Variants in CDC42BPB observed in about 807,000 individuals in gnomAD.
The protein encoded by CDC42BPB is serine/threonine-protein kinase MRCK beta.
Under a neutral mutation model 214.9 loss-of-function variants are expected in CDC42BPB, and 37 were observed. The observed-to-expected ratio is 0.17, with a 90% CI of 0.13 to 0.23. The LOEUF (loss-of-function observed/expected upper bound fraction) is 0.23, where lower values mean the gene tolerates loss of function less well. Ranked by LOEUF, CDC42BPB falls within the 10% of genes least tolerant of loss-of-function variation. The pLI is 1.00. For missense variants in CDC42BPB, 1,694 were observed against 2,227.0 expected (o/e 0.76, Z 4.82); for synonymous variants, 931 against 884.0 (o/e 1.05, Z -0.94).
At chr14:102,987,086 CAA>C (rs1894278168) in intron 5 of CDC42BPB, among the ~76,000 whole-genome samples, 1 of 152,244 alleles carries the variant, frequency 6.6e-6, no homozygotes, top group African/African-American at 2.4e-5. Flanking sequence ...GGCTGCCACA[CAA>C]AGAGACGGCA....
chr14:103,029,371 C>G (rs1215352566), intron 1 of CDC42BPB, among the ~76,000 whole-genome samples: 1 of 151,674 alleles, frequency 6.6e-6, no homozygotes, highest in Non-Finnish European at 1.5e-5. Flanking sequence ...GAAACCCTGT[C>G]TCTACTAAAA....
intron 2 of CDC42BPB, among the ~76,000 whole-genome samples, chr14:103,011,720 G>C (rs533604835): frequency 1.3e-5 from 2 of 152,260 alleles, no homozygotes; most frequent in South Asian, 4.1e-4. Context: ...CTCCAGCCTG[G>C]GTGACAGTGC....
intron 1 of CDC42BPB, among the ~76,000 whole-genome samples, chr14:103,020,867 A>G (rs1313922679): frequency 6.6e-6 from 1 of 152,252 alleles, no homozygotes; most frequent in Non-Finnish European, 1.5e-5. Flanking sequence ...ATGTGTTCAA[A>G]TTACACAAAA....
intron 1 of CDC42BPB, among the ~76,000 whole-genome samples, chr14:103,045,821 G>A (rs1205164417): frequency 1.3e-5 from 2 of 152,184 alleles, no homozygotes; most frequent in South Asian, 2.1e-4. Flanking sequence ...ACACTGCCAC[G>A]AGCCTCAAGG....
intron 19 of CDC42BPB, among the ~76,000 whole-genome samples, chr14:102,964,240 C>T (rs1429723475): frequency 6.6e-6 from 1 of 152,228 alleles, no homozygotes; most frequent in Non-Finnish European, 1.5e-5. Flanking sequence ...CAAGCACCCG[C>T]TGCCGTCAAA....
intron 1 of CDC42BPB, among the ~76,000 whole-genome samples, chr14:103,039,059 C>G (rs1195124213): frequency 6.6e-6 from 1 of 151,942 alleles, no homozygotes; most frequent in Non-Finnish European, 1.5e-5. Flanking sequence ...AAGACACAAA[C>G]TACCAAAATT....
intron 5 of CDC42BPB, 102 bp downstream of exon 5, chr14:102,999,463 C>G (rs140942439): frequency 1.7e-5 from 20 of 1,181,834 alleles, no homozygotes; most frequent in Non-Finnish European, 2.2e-5. Context: ...TGGGGACTCG[C>G]TACCTACATG....
Position 102,983,216 on chromosome 14 carries a change from G to A in CDC42BPB, c.891+340C>T, listed in dbSNP as rs138503956. On this transcript the variant is annotated intron_variant, in intron 7 of 36. Coordinates refer to ENST00000361246, the MANE Select transcript of CDC42BPB (RefSeq NM_006035.4). ...TACCCCCGGGCGCCTCACTCCATGC[G>A]CCTGTGCAGACGACGCGTCTGTCTA... Among the ~76,000 whole-genome samples, 426 of 152,264 alleles carry A rather than the reference G, an allele frequency of 2.8e-3. 1 individual carries two copies. Among genetic ancestry groups the A allele is most frequent in the African/African-American group, 9.8e-3 (406 of 41,542 alleles).
At chr14:102,963,012 GA>G in intron 20 of CDC42BPB, 48 bp downstream of exon 20, 2 of 887,602 alleles carry the variant, frequency 2.3e-6, no homozygotes, top group Non-Finnish European at 3.6e-6. Context: ...ACATTCATTT[GA>G]AAAATACTTA....
intron 2 of CDC42BPB, among the ~76,000 whole-genome samples, chr14:103,011,768 C>T (rs146461242): frequency 1.6e-4 from 24 of 152,188 alleles, no homozygotes; most frequent in African/African-American, 5.5e-4. Context: ...AAAAAAACTA[C>T]ATCTGAAGAA....
intron 8 of CDC42BPB, among the ~76,000 whole-genome samples, chr14:102,979,783 A>G (rs770615854): frequency 1.3e-5 from 2 of 152,192 alleles, no homozygotes; most frequent in Non-Finnish European, 2.9e-5. Flanking sequence ...GATGAGAACA[A>G]AAGAATTTTA....
chr14:102,983,308 G>A (rs2139525502), intron 7 of CDC42BPB, among the ~76,000 whole-genome samples: 1 of 152,192 alleles, frequency 6.6e-6, no homozygotes, highest in South Asian at 2.1e-4. Context: ...TGAGAGTGGG[G>A]GTGGGGGTCA....
At chr14:102,966,451 A>C in intron 17 of CDC42BPB, 64 bp from the exon 18 acceptor site, 2 of 1,595,700 alleles carry the variant, frequency 1.3e-6, no homozygotes, top group Non-Finnish European at 1.7e-6. Flanking sequence ...CCAAACAAGA[A>C]GGGGACGTTC....
intron 30 of CDC42BPB, among the ~76,000 whole-genome samples, chr14:102,942,385 A>G (rs1037437354): frequency 6.6e-6 from 1 of 152,214 alleles, no homozygotes; most frequent in African/African-American, 2.4e-5. Context: ...TGGGGCAGAC[A>G]AAGGGGTTTA....
At chr14:102,973,255 G>A (rs779878795) in intron 12 of CDC42BPB, among the ~76,000 whole-genome samples, 2 of 152,212 alleles carry the variant, frequency 1.3e-5, no homozygotes, top group East Asian at 1.9e-4. Flanking sequence ...AATCACTCAC[G>A]TGGATGACCC....
chr14:103,007,469 G>A (rs908714099), intron 3 of CDC42BPB, among the ~76,000 whole-genome samples: 2 of 152,188 alleles, frequency 1.3e-5, no homozygotes, highest in African/African-American at 4.8e-5. Flanking sequence ...GACCAAAGAG[G>A]AAAGCGTCAC....
At chr14:103,046,006 C>G (rs908881130) in intron 1 of CDC42BPB, among the ~76,000 whole-genome samples, 1 of 152,176 alleles carries the variant, frequency 6.6e-6, no homozygotes, top group African/African-American at 2.4e-5. Context: ...TGGTATCTAA[C>G]TCAGCAAAGC....
intron 30 of CDC42BPB, among the ~76,000 whole-genome samples, chr14:102,942,348 A>G (rs934562211): frequency 6.6e-6 from 1 of 152,226 alleles, no homozygotes; most frequent in Non-Finnish European, 1.5e-5. Flanking sequence ...CGCCCTGGGT[A>G]TGATGCCGTC....
intron 13 of CDC42BPB, 194 bp from the exon 14 acceptor site, chr14:102,970,455 T>C: frequency 2.5e-6 from 2 of 800,154 alleles, no homozygotes; most frequent in Non-Finnish European, 3.0e-6. Context: ...TGGTTACTAA[T>C]AAAACAAGGT....
Sources: gnomAD v4.1 joint callset for allele counts (sites outside exome capture counted in the v4.1 genomes callset) on GRCh38, gnomAD v4.1.1 for gene constraint, MANE v1.5 for transcripts, NCBI Gene and HGNC (gene_info 2026-07-23, HGNC 2026-07-21) for gene names.